The following GLIS3 variants were observed in gnomAD, a reference collection of about 807,000 sequenced individuals.
The protein encoded by GLIS3 is GLIS family zinc finger 3, also known as zinc finger protein GLIS3.
A neutral mutation model predicts 78.6 loss-of-function variants in GLIS3; 53 were observed. The observed-to-expected ratio is 0.67, with a 90% CI of 0.54 to 0.85. The LOEUF is 0.85. Ranked by LOEUF, GLIS3 falls within the 40% of genes least tolerant of loss-of-function variation. The probability of loss-of-function intolerance (pLI) is 0.00; values close to 1 mark genes in which losing one functional copy is unlikely to be tolerated. For synonymous variants in GLIS3, 684 were observed against 509.9 expected, an observed-to-expected ratio of 1.34 and a Z score of -4.60; for missense variants, 1,703 against 1,231.1, an observed-to-expected ratio of 1.38 and a Z score of -5.74.
At chr9:4,197,223 G>C (rs1818946809) in intron 2 of GLIS3, among the ~76,000 whole-genome samples, 1 of 151,772 alleles carries the variant, frequency 6.6e-6, no homozygotes, top group Non-Finnish European at 1.5e-5. Context: ...CTAGGAGCCT[G>C]AGTTGCCCCA....
the GLIS3 span, among the ~76,000 whole-genome samples, chr9:4,411,979 G>A: frequency 2.0e-5 from 3 of 152,174 alleles, no homozygotes; most frequent in Non-Finnish European, 4.4e-5. Context: ...TTTAAACATA[G>A]AAAACATTTA....
At chr9:4,438,683 T>A in the GLIS3 span, among the ~76,000 whole-genome samples, 1 of 152,198 alleles carries the variant, frequency 6.6e-6, no homozygotes, top group African/African-American at 2.4e-5. Context: ...TGCAAGCAGG[T>A]TCCCCATGCT....
chr9:3,929,993 C>A (rs1179694349), intron 6 of GLIS3, among the ~76,000 whole-genome samples: 2 of 151,936 alleles, frequency 1.3e-5, no homozygotes, highest in East Asian at 1.9e-4. Context: ...AATATTACAC[C>A]CTGGTATATC....
At chr9:3,925,458 T>C (rs900162120) in intron 6 of GLIS3, among the ~76,000 whole-genome samples, 3 of 152,168 alleles carry the variant, frequency 2.0e-5, no homozygotes, top group African/African-American at 7.2e-5. Flanking sequence ...AAAAATCGAT[T>C]CCTGGCCAGA....
At chr9:3,841,632 G>A (rs1818719864) in intron 9 of GLIS3, among the ~76,000 whole-genome samples, 1 of 152,212 alleles carries the variant, frequency 6.6e-6, no homozygotes, top group Non-Finnish European at 1.5e-5. Flanking sequence ...AATGAAGGGT[G>A]GAGGATTTGG....
chr9:4,283,309 C>G (rs1231112167), intron 2 of GLIS3, among the ~76,000 whole-genome samples: 1 of 150,692 alleles, frequency 6.6e-6, no homozygotes, highest in East Asian at 1.9e-4. Flanking sequence ...TTTCTTGCCC[C>G]GGCTGGAGTG....
chr9:4,444,858 A>C, the GLIS3 span, among the ~76,000 whole-genome samples: 1 of 152,210 alleles, frequency 6.6e-6, no homozygotes, highest in Non-Finnish European at 1.5e-5. Flanking sequence ...TTGTCTGAAA[A>C]GAGGTAAGTG....
chr9:4,267,389 A>T (rs1468388852), intron 2 of GLIS3, among the ~76,000 whole-genome samples: 1 of 152,224 alleles, frequency 6.6e-6, no homozygotes, highest in East Asian at 1.9e-4. Context: ...AAATCTTGAG[A>T]TGAAATGGCT....
intron 2 of GLIS3, among the ~76,000 whole-genome samples, chr9:4,195,703 C>G (rs1390795931): frequency 1.3e-5 from 2 of 152,270 alleles, no homozygotes; most frequent in Non-Finnish European, 2.9e-5. Flanking sequence ...CCCATGGCCA[C>G]AGCGCGGGAT....
chr9:4,323,375 G>C (rs1450810196), intron 2 of GLIS3, among the ~76,000 whole-genome samples: 1 of 152,086 alleles, frequency 6.6e-6, no homozygotes, highest in East Asian at 1.9e-4. Flanking sequence ...TTCATAAGAA[G>C]AGTGTTATGC....
intron 7 of GLIS3, among the ~76,000 whole-genome samples, chr9:3,883,543 C>G (rs1425554376): frequency 6.6e-6 from 1 of 152,176 alleles, no homozygotes; most frequent in Non-Finnish European, 1.5e-5. Flanking sequence ...AATAATTTTC[C>G]AAACTCAACG....
intron 2 of GLIS3, among the ~76,000 whole-genome samples, chr9:4,216,859 C>T (rs1171813274): frequency 6.6e-6 from 1 of 152,120 alleles, no homozygotes; most frequent in Non-Finnish European, 1.5e-5. Context: ...ATGTCACGTG[C>T]ATTATGTTAA....
At chr9:4,410,153 C>T in the GLIS3 span, among the ~76,000 whole-genome samples, 145,016 of 148,174 alleles carry the variant, frequency 0.98, 70,994 homozygotes, top group South Asian at 1. Flanking sequence ...TTTTTTTTTT[C>T]TTAAGCAGAG....
intron 2 of GLIS3, among the ~76,000 whole-genome samples, chr9:4,266,057 T>C (rs1448135045): frequency 6.6e-6 from 1 of 152,104 alleles, no homozygotes; most frequent in Non-Finnish European, 1.5e-5. Flanking sequence ...TAGCTGGGAC[T>C]ACAGGCACCC....
intron 2 of GLIS3, among the ~76,000 whole-genome samples, chr9:4,134,104 T>A (rs1294317019): frequency 6.6e-6 from 1 of 152,182 alleles, no homozygotes; most frequent in East Asian, 1.9e-4. Context: ...GAATTTTTTT[T>A]AAAACCTCTC....
chr9:4,294,671 T>C (rs1310537101), intron 1 of GLIS3, among the ~76,000 whole-genome samples: 3 of 151,620 alleles, frequency 2.0e-5, no homozygotes, highest in Non-Finnish European at 4.4e-5. Flanking sequence ...TGCCTGTGTT[T>C]CACTTTCCTG....
At chr9:3,943,384 T>C (rs535298274) in intron 4 of GLIS3, among the ~76,000 whole-genome samples, 1 of 152,362 alleles carries the variant, frequency 6.6e-6, no homozygotes, top group South Asian at 2.1e-4. Flanking sequence ...CATGTCTCTA[T>C]ATATTCTTGC....
intron 4 of GLIS3, among the ~76,000 whole-genome samples, chr9:4,083,758 G>A (rs528604774): frequency 6.6e-5 from 10 of 152,192 alleles, no homozygotes; most frequent in African/African-American, 1.9e-4. Context: ...TGCAGAAAGT[G>A]CAAGGAGAGC....
chr9:4,421,177 T>C, the GLIS3 span, among the ~76,000 whole-genome samples: 2 of 152,196 alleles, frequency 1.3e-5, no homozygotes, highest in African/African-American at 4.8e-5. Flanking sequence ...TTCCAGTTGA[T>C]ATTCATGAAA....
Sources: gnomAD v4.1 joint callset for allele counts (sites outside exome capture counted in the v4.1 genomes callset) on GRCh38, gnomAD v4.1.1 for gene constraint, MANE v1.5 for transcripts, NCBI Gene and HGNC (gene_info 2026-07-23, HGNC 2026-07-21) for gene names.